OTOG: variants seen among roughly 807,000 people sequenced by gnomAD.
The protein encoded by OTOG is otogelin.
Under a neutral mutation model 313.8 loss-of-function variants are expected in OTOG, and 296 were observed. The ratio of observed to expected loss-of-function variants is 0.94; its 90% CI spans 0.86 to 1.04. The LOEUF (loss-of-function observed/expected upper bound fraction) is 1.04, where lower values mean the gene tolerates loss of function less well. OTOG is among the 50% of genes least tolerant of loss of function. The pLI is 0.00. For synonymous variants in OTOG, 1,533 were observed against 1,554.9 expected (o/e 0.99, Z 0.33); for missense variants, 3,948 against 3,840.1 (o/e 1.03, Z -0.74).
At position 17,574,868 on chromosome 11, in the gene OTOG, A is replaced by ACC; in HGVS notation, c.2443_2444dup (p.Asp816ArgfsTer47). 1.3e-6 allele frequency: 2 copies of ACC among 1,542,484 alleles called. No homozygotes were observed. The highest frequency in any genetic ancestry group is 1.8e-6 in the Non-Finnish European group (2 of 1,142,494). ...AGTGTGTGGAGGGCTGTGCCTGCCCACCGGACACCTATCTGGACACCCAGG... is the reference window on the plus strand; with the variant it reads ...AGTGTGTGGAGGGCTGTGCCTGCCCACCCCGGACACCTATCTGGACACCCAGG... On this transcript the variant is annotated frameshift_variant, in exon 20 of 56. Transcript: ENST00000399397. LOFTEE classifies it high-confidence loss of function.
intron 6 of OTOG, among the ~76,000 whole-genome samples, chr11:17,555,510 G>A (rs1023064458): frequency 6.6e-6 from 1 of 152,158 alleles, no homozygotes; most frequent in Admixed American, 6.5e-5. Context: ...TGACTGGGAA[G>A]AGCCCTGGAA....
At chr11:17,590,600 A>T (rs1347064881) in intron 24 of OTOG, among the ~76,000 whole-genome samples, 2 of 152,116 alleles carry the variant, frequency 1.3e-5, no homozygotes, top group Non-Finnish European at 2.9e-5. Context: ...CATAAATCAC[A>T]CAGTGTCATT....
chr11:17,604,189 A>T (rs1853323383), intron 32 of OTOG, among the ~76,000 whole-genome samples: 1 of 152,238 alleles, frequency 6.6e-6, no homozygotes, highest in Non-Finnish European at 1.5e-5. Context: ...TAAACAAGAA[A>T]TACAGAGGAT....
chr11:17,632,023 G>A (rs1459321320), intron 41 of OTOG, 65 bp from the exon 42 acceptor site: 2 of 1,541,112 alleles, frequency 1.3e-6, no homozygotes, highest in Admixed American at 2.0e-5. Flanking sequence ...GGCAGGGAGG[G>A]GAGGAGCTGG....
intron 34 of OTOG, 96 bp from the exon 35 acceptor site, chr11:17,609,034 T>A (rs772035995): frequency 3.1e-6 from 3 of 954,706 alleles, no homozygotes; most frequent in Non-Finnish European, 4.8e-6. Context: ...CGCACATGTG[T>A]CATAAGAAAG....
At chr11:17,620,483 A>G (rs1853836931) in intron 39 of OTOG, among the ~76,000 whole-genome samples, 1 of 152,158 alleles carries the variant, frequency 6.6e-6, no homozygotes, top group Non-Finnish European at 1.5e-5. Flanking sequence ...TTGTTTATCC[A>G]TTCATTATTG....
intron 45 of OTOG, 25 bp downstream of exon 45, chr11:17,634,973 T>TG: frequency 4.3e-6 from 2 of 464,512 alleles, no homozygotes; most frequent in Non-Finnish European, 6.9e-6. Context: ...GTGGGGAGGG[T>TG]GGGGGACGGA....
At chr11:17,568,499 T>C (rs11024323) in intron 15 of OTOG, among the ~76,000 whole-genome samples, 48,814 of 152,132 alleles carry the variant, frequency 0.32, 8,273 homozygotes, top group Non-Finnish European at 0.37. Flanking sequence ...TAATTACTTA[T>C]TTAATGTCTG....
rs558515179 is a variant in OTOG at position 17,607,256 on chromosome 11, G to A, written c.4157-1040G>A. Among the ~76,000 whole-genome samples, 10 of 152,362 alleles carry A rather than the reference G, an allele frequency of 6.6e-5. No homozygotes were observed. The East Asian group carries it at 1.2e-3, about 18-fold the overall frequency. On this transcript the variant is annotated intron_variant, in intron 33 of 55. Transcript: ENST00000399397. ...CTGGCAGCAGTGTTCAGGTTAGGGC[G>A]TCTGGAGGAGCTGCCGGTGGGGGAT...
chr11:17,622,036 C>A (rs984424723), intron 39 of OTOG, among the ~76,000 whole-genome samples: 3 of 152,078 alleles, frequency 2.0e-5, no homozygotes, highest in Non-Finnish European at 4.4e-5. Flanking sequence ...TGTTTACTCC[C>A]AGAACTCAGA....
At chr11:17,614,634 C>A (rs1853679895) in intron 39 of OTOG, among the ~76,000 whole-genome samples, 1 of 152,104 alleles carries the variant, frequency 6.6e-6, no homozygotes, top group African/African-American at 2.4e-5. Context: ...TTGCCCGCTG[C>A]CCCTATAGTT....
At chr11:17,624,314 T>G (rs1009144916) in intron 39 of OTOG, among the ~76,000 whole-genome samples, 15 of 152,248 alleles carry the variant, frequency 9.9e-5, no homozygotes, top group Non-Finnish European at 1.9e-4. Context: ...TAATCTATCT[T>G]AAGTTAATAT....
At chr11:17,552,152 G>GCCCCACCTGCCCTCT in intron 4 of OTOG, 77 bp downstream of exon 4, 2 of 1,418,802 alleles carry the variant, frequency 1.4e-6, no homozygotes, top group Non-Finnish European at 1.9e-6. Flanking sequence ...GCAGAGGGCA[G>GCCCCACCTGCCCTCT]GTGGGGCTTC....
Position 17,576,634 on chromosome 11 carries a change from A to G in OTOG, c.2561+4A>G. The G allele has an allele frequency of 6.5e-7, 1 of 1,547,428 alleles. No individual in the cohort carries two copies. Among genetic ancestry groups the G allele is most frequent in the Non-Finnish European group, 8.7e-7 (1 of 1,144,120 alleles). On this transcript the variant is annotated splice_donor_region_variant and intron_variant, in intron 21 of 55. Transcript: ENST00000399397. ...ACATCCCATCCCTGGGCCACTGGTG[A>G]GCTCCGTAGGTAGCAGCCTTCTTGT...
intron 37 of OTOG, 137 bp from the exon 38 acceptor site, chr11:17,612,483 C>T (rs543311097): frequency 2.2e-5 from 31 of 1,378,628 alleles, no homozygotes; most frequent in African/African-American, 1.9e-4. Flanking sequence ...CTGTGTGATG[C>T]GTGGTCTGAG....
chr11:17,558,562 C>T lies in OTOG; in HGVS notation c.1021C>T (p.Leu341=). ...MQGVYEQCEA[L]LRPPFDACHA... is the part of the protein sequence containing the mutation. Reference sequence around the variant, plus strand: ...GGGCGTGTACGAGCAGTGTGAGGCTCTACTGCGGCCCCCCTTTGACGCCTG... The same window carrying T: ...GGGCGTGTACGAGCAGTGTGAGGCTTTACTGCGGCCCCCCTTTGACGCCTG... The change falls in exon 10 of 56, where the codon CTA becomes TTA. Residue 341 remains leucine, a synonymous_variant. Coordinates refer to ENST00000399397, the MANE Select transcript of OTOG (RefSeq NM_001292063.2). 6.4e-7 allele frequency: 1 copy of T among 1,550,538 alleles called. No individual in the cohort carries two copies. The highest frequency in any genetic ancestry group is 2.0e-5 in the Admixed American group (1 of 51,016).
intron 6 of OTOG, among the ~76,000 whole-genome samples, chr11:17,553,907 T>C (rs1018356128): frequency 4.6e-5 from 7 of 152,214 alleles, no homozygotes; most frequent in Non-Finnish European, 8.8e-5. Flanking sequence ...ATGAGTGCTA[T>C]GGAGGAGAAA....
chr11:17,643,042 G>A (rs905352065), intron 53 of OTOG, among the ~76,000 whole-genome samples: 1 of 152,198 alleles, frequency 6.6e-6, no homozygotes, highest in Non-Finnish European at 1.5e-5. Context: ...CCCCATTTTA[G>A]AGATGGGAAA....
chr11:17,563,691 T>A (rs903912946), intron 15 of OTOG, among the ~76,000 whole-genome samples: 2 of 151,702 alleles, frequency 1.3e-5, no homozygotes, highest in African/African-American at 2.4e-5. Flanking sequence ...TCCCCCCCTT[T>A]TTTTTTGGAG....
Sources: allele counts gnomAD v4.1 joint callset (sites outside exome capture counted in the v4.1 genomes callset), GRCh38; gene constraint gnomAD v4.1.1; transcripts MANE v1.5; gene names NCBI Gene and HGNC (gene_info 2026-07-23, HGNC 2026-07-21).